Variants in GPR158 observed in about 807,000 individuals in gnomAD.
GPR158 encodes G protein-coupled receptor 158.
A neutral mutation model predicts 78.2 loss-of-function variants in GPR158; 30 were observed. That is an observed-to-expected ratio of 0.38 (90% CI 0.29 to 0.52). The LOEUF is 0.52. Among genes scored for constraint, GPR158 ranks in the 20% least tolerant of loss-of-function variants. The probability of loss-of-function intolerance (pLI) is 0.83; values close to 1 mark genes in which losing one functional copy is unlikely to be tolerated. For missense variants in GPR158, 1,463 were observed against 1,523.5 expected (o/e 0.96, Z 0.66); for synonymous variants, 581 against 591.1 (o/e 0.98, Z 0.25).
intron 5 of GPR158, among the ~76,000 whole-genome samples, chr10:25,512,779 T>C (rs551623867): frequency 2.0e-5 from 3 of 152,148 alleles, no homozygotes; most frequent in African/African-American, 7.2e-5. Flanking sequence ...TCTATGTCTA[T>C]TGACATGATC....
chr10:25,386,010 G>C (rs1474685064), intron 2 of GPR158, among the ~76,000 whole-genome samples: 2 of 152,090 alleles, frequency 1.3e-5, no homozygotes, highest in Non-Finnish European at 2.9e-5. Context: ...TTGTGGATTT[G>C]ATGTCATATC....
At chr10:25,517,739 A>G (rs1443996807) in intron 5 of GPR158, among the ~76,000 whole-genome samples, 1 of 151,300 alleles carries the variant, frequency 6.6e-6, no homozygotes, top group Non-Finnish European at 1.5e-5. Flanking sequence ...ATCATGGTGG[A>G]TAAGCTTTTT....
At chr10:25,254,603 CTAA>C (rs1364457661) in intron 2 of GPR158, among the ~76,000 whole-genome samples, 1 of 152,036 alleles carries the variant, frequency 6.6e-6, no homozygotes, top group Non-Finnish European at 1.5e-5. Flanking sequence ...AATTCTATTT[CTAA>C]TAATATAGCA....
chr10:25,500,932 C>G (rs1835940272), intron 5 of GPR158, among the ~76,000 whole-genome samples: 1 of 152,170 alleles, frequency 6.6e-6, no homozygotes, highest in Non-Finnish European at 1.5e-5. Flanking sequence ...AGGTCTCCAG[C>G]TATGTTTGGC....
chr10:25,327,337 C>T (rs984385927), intron 2 of GPR158, among the ~76,000 whole-genome samples: 1 of 152,110 alleles, frequency 6.6e-6, no homozygotes, highest in Non-Finnish European at 1.5e-5. Context: ...AACCTAATTC[C>T]ATTGACTTCT....
intron 2 of GPR158, among the ~76,000 whole-genome samples, chr10:25,261,372 A>G (rs370115084): frequency 5.5e-4 from 84 of 152,260 alleles, no homozygotes; most frequent in African/African-American, 1.9e-3. Context: ...CTTCAAACCA[A>G]TATACTTTCT....
chr10:25,434,276 G>A (rs914807362), intron 4 of GPR158, among the ~76,000 whole-genome samples: 2 of 152,164 alleles, frequency 1.3e-5, no homozygotes, highest in African/African-American at 4.8e-5. Context: ...TAACATATTT[G>A]TATATGTCTT....
intron 4 of GPR158, among the ~76,000 whole-genome samples, chr10:25,455,865 T>G (rs956056841): frequency 2.6e-5 from 4 of 152,128 alleles, no homozygotes; most frequent in Admixed American, 2.0e-4. Flanking sequence ...TTTTCCCCTC[T>G]TTTTTTACAC....
At chr10:25,529,843 C>T (rs909338054) in intron 5 of GPR158, among the ~76,000 whole-genome samples, 4 of 152,180 alleles carry the variant, frequency 2.6e-5, no homozygotes, top group Non-Finnish European at 4.4e-5. Context: ...GGCCTTGGTT[C>T]CAGTGCCTAG....
chr10:25,196,096 T>G (rs1175815200), intron 1 of GPR158, among the ~76,000 whole-genome samples: 1 of 151,858 alleles, frequency 6.6e-6, no homozygotes, highest in Non-Finnish European at 1.5e-5. Flanking sequence ...ACTTTTTCAC[T>G]CAGAAACTTT....
At chr10:25,263,020 T>A (rs552158215) in intron 2 of GPR158, among the ~76,000 whole-genome samples, 1 of 152,326 alleles carries the variant, frequency 6.6e-6, no homozygotes, top group East Asian at 1.9e-4. Flanking sequence ...TTCTTGATGT[T>A]GTCTTTTGGA....
At chr10:25,370,633 A>T (rs77993566) in intron 2 of GPR158, among the ~76,000 whole-genome samples, 1 of 147,604 alleles carries the variant, frequency 6.8e-6, no homozygotes, top group Non-Finnish European at 1.5e-5. Flanking sequence ...GCTGAAAAAA[A>T]TGTATATTCT....
At chr10:25,445,965 A>AAG (rs1447740073) in intron 4 of GPR158, among the ~76,000 whole-genome samples, 1 of 152,186 alleles carries the variant, frequency 6.6e-6, no homozygotes, top group African/African-American at 2.4e-5. Context: ...TGGAACTCAG[A>AAG]AGAGAGATCA....
intron 1 of GPR158, among the ~76,000 whole-genome samples, chr10:25,198,384 GGGA>G (rs1268777168): frequency 6.6e-6 from 1 of 152,158 alleles, no homozygotes; most frequent in African/African-American, 2.4e-5. Flanking sequence ...AGTGGTGTGG[GGGA>G]GGAGAACATT....
intron 4 of GPR158, among the ~76,000 whole-genome samples, chr10:25,444,474 G>T (rs1047248512): frequency 6.6e-6 from 1 of 151,486 alleles, no homozygotes; most frequent in Non-Finnish European, 1.5e-5. Context: ...GTGTGTGGAG[G>T]TGCATGTATG....
chr10:25,189,344 T>C (rs1474989401), intron 1 of GPR158, among the ~76,000 whole-genome samples: 2 of 152,214 alleles, frequency 1.3e-5, no homozygotes, highest in Admixed American at 1.3e-4. Context: ...CTTGTATTTA[T>C]TGCAGCACTA....
chr10:25,331,794 T>C (rs1855127924), intron 2 of GPR158, among the ~76,000 whole-genome samples: 1 of 152,192 alleles, frequency 6.6e-6, no homozygotes, highest in Non-Finnish European at 1.5e-5. Flanking sequence ...CATTTTATAA[T>C]GGTTCAAAAA....
Position 25,221,107 on chromosome 10 carries a change from A to G in GPR158, c.958A>G (p.Ser320Gly), listed in dbSNP as rs1022154156. The change falls in exon 2 of 11, where the codon AGT becomes GGT. Residue 320 changes from serine to glycine, a missense_variant. Transcript: ENST00000376351. ...GAAAGTGGACATTGACCAATGCTCA[A>G]GTGATGGCTGGTTTTCAGGAACTCA... ...LQKVDIDQCS[S>G]DGWFSGTHKC... 6.2e-7 allele frequency: 1 copy of G among 1,605,756 alleles called. No homozygotes were observed. Among genetic ancestry groups the G allele is most frequent in the Admixed American group, 1.7e-5 (1 of 59,786 alleles).
chr10:25,526,875 A>G (rs1389813102), intron 5 of GPR158, among the ~76,000 whole-genome samples: 2 of 152,210 alleles, frequency 1.3e-5, no homozygotes, highest in Non-Finnish European at 2.9e-5. Context: ...GCAATTGGGC[A>G]AAGATTACCA....
Sources: gnomAD v4.1 joint callset for allele counts (sites outside exome capture counted in the v4.1 genomes callset) on GRCh38, gnomAD v4.1.1 for gene constraint, MANE v1.5 for transcripts, NCBI Gene and HGNC (gene_info 2026-07-23, HGNC 2026-07-21) for gene names.